Variants in UPK1B observed in about 807,000 individuals in gnomAD.
UPK1B encodes the protein uroplakin-1b.
UPK1B carries 28 observed loss-of-function variants against 34.2 expected under a neutral mutation model. The ratio of observed to expected loss-of-function variants is 0.82; its 90% CI spans 0.61 to 1.12. The LOEUF is 1.12. Among genes scored for constraint, UPK1B ranks in the 50% most tolerant of loss-of-function variants. The pLI, the probability that UPK1B is intolerant of heterozygous loss-of-function variation, is 0.00. For synonymous variants in UPK1B, 81 were observed against 110.4 expected, an observed-to-expected ratio of 0.73 and a Z score of 1.67; for missense variants, 325 against 320.9, an observed-to-expected ratio of 1.01 and a Z score of -0.10.
intron 2 of UPK1B, 151 bp downstream of exon 2, chr3:119,186,961 T>C: frequency 5.4e-6 from 4 of 740,260 alleles, no homozygotes; most frequent in Non-Finnish European, 6.5e-6. Flanking sequence ...GTAAATATGC[T>C]AGCTAGAATT....
chr3:119,204,334 C>T lies in UPK1B; in HGVS notation c.*367C>T, dbSNP rs764672857. ...GCTAGCAATCTGCCTGTATCTCTCA[C>T]TATTATCTAAAAGAAACCTTCCAAT... On this transcript the variant is annotated 3_prime_UTR_variant, in exon 8 of 8. Transcript: ENST00000264234. 2.0e-5 allele frequency: 4 copies of T among 202,154 alleles called. No individual in the cohort carries two copies. Among genetic ancestry groups the T allele is most frequent in the Non-Finnish European group, 4.0e-5 (4 of 99,876 alleles). 12.5% of individuals were successfully genotyped at this position (202,154 alleles called of 1,614,324 possible). A position where few individuals can be genotyped will look rare whatever the true frequency, so the allele number is the denominator to read the frequency against.
chr3:119,174,913 T>C (rs1459376047), intron 1 of UPK1B, among the ~76,000 whole-genome samples: 2 of 149,984 alleles, frequency 1.3e-5, no homozygotes, highest in Non-Finnish European at 3.0e-5. Context: ...TTTTAACTGC[T>C]GGGAAGAATC....
chr3:119,182,874 G>T (rs78895613), intron 1 of UPK1B, among the ~76,000 whole-genome samples: 1 of 152,178 alleles, frequency 6.6e-6, no homozygotes, highest in Non-Finnish European at 1.5e-5. Flanking sequence ...TCTGGTCTTG[G>T]GGGTAGGTGG....
At chr3:119,196,192 A>G (rs947293424) in intron 6 of UPK1B, among the ~76,000 whole-genome samples, 4 of 151,920 alleles carry the variant, frequency 2.6e-5, no homozygotes, top group Non-Finnish European at 5.9e-5. Flanking sequence ...TCTCTTATCT[A>G]TTAGTCCTTT....
chr3:119,192,226 C>T (rs2078047939), intron 5 of UPK1B, among the ~76,000 whole-genome samples: 1 of 152,086 alleles, frequency 6.6e-6, no homozygotes. Context: ...AATTAATTGA[C>T]CACTTTTTAA....
At chr3:119,196,159 C>T (rs2078066533) in intron 6 of UPK1B, among the ~76,000 whole-genome samples, 2 of 152,178 alleles carry the variant, frequency 1.3e-5, no homozygotes, top group South Asian at 2.1e-4. Flanking sequence ...CTCAACCTCA[C>T]TCATTCTGCT....
chr3:119,179,142 A>G (rs2107424317), intron 1 of UPK1B, among the ~76,000 whole-genome samples: 1 of 151,804 alleles, frequency 6.6e-6, no homozygotes, highest in East Asian at 1.9e-4. Flanking sequence ...AGCCTGGGCA[A>G]CATGATGAAA....
chr3:119,183,773 G>T (rs1288670488), intron 1 of UPK1B, among the ~76,000 whole-genome samples: 1 of 152,148 alleles, frequency 6.6e-6, no homozygotes, highest in East Asian at 1.9e-4. Flanking sequence ...CCATCTCTCA[G>T]GTCTGTTGAG....
intron 7 of UPK1B, among the ~76,000 whole-genome samples, chr3:119,201,064 G>A (rs1400502272): frequency 6.6e-6 from 1 of 151,860 alleles, no homozygotes; most frequent in Non-Finnish European, 1.5e-5. Flanking sequence ...TTTACTGCAA[G>A]TGCGTAGCAG....
intron 6 of UPK1B, among the ~76,000 whole-genome samples, chr3:119,195,261 A>T (rs1287427443): frequency 6.6e-6 from 1 of 152,216 alleles, no homozygotes; most frequent in South Asian, 2.1e-4. Flanking sequence ...AGGTACTTGT[A>T]GTCAGCATCT....
intron 1 of UPK1B, among the ~76,000 whole-genome samples, chr3:119,178,305 G>T (rs2077967172): frequency 6.6e-6 from 1 of 152,200 alleles, no homozygotes; most frequent in African/African-American, 2.4e-5. Context: ...CAAAGAAACT[G>T]GTCAGCAACA....
chr3:119,178,539 T>G (rs894721716), intron 1 of UPK1B, among the ~76,000 whole-genome samples: 1 of 152,224 alleles, frequency 6.6e-6, no homozygotes, highest in African/African-American at 2.4e-5. Flanking sequence ...GCCATGTTTA[T>G]CTTTGTAGAA....
rs7643453 is a variant in UPK1B, at chr3:119,176,806, G to C, written c.-29+3168G>C. ...CAGGGAGGCATTGTTTTAGAATAAC[G>C]TGGGGAGGGTTCAGAAGACCACATA... On this transcript the variant is annotated intron_variant, in intron 1 of 7. Coordinates refer to ENST00000264234, the MANE Select transcript of UPK1B (RefSeq NM_006952.4). Among the ~76,000 whole-genome samples the C allele has an allele frequency of 2.9e-3, 434 of 152,274 alleles. 1 individual carries two copies. The highest frequency in any genetic ancestry group is 9.2e-3 in the African/African-American group (382 of 41,556).
chr3:119,179,805 C>CTTT (rs869040325), intron 1 of UPK1B, among the ~76,000 whole-genome samples: 1 of 50,600 alleles, frequency 2.0e-5, no homozygotes, highest in South Asian at 7.6e-4. Flanking sequence ...CCACGCCCGG[C>CTTT]TTTTTTTTTT....
At chr3:119,191,974 T>C (rs2078047021) in intron 5 of UPK1B, among the ~76,000 whole-genome samples, 1 of 152,142 alleles carries the variant, frequency 6.6e-6, no homozygotes, top group Admixed American at 6.5e-5. Context: ...ATATCCCACC[T>C]AGAAACTTCA....
At chr3:119,194,743 G>A (rs1042462490) in intron 6 of UPK1B, among the ~76,000 whole-genome samples, 3 of 152,198 alleles carry the variant, frequency 2.0e-5, no homozygotes, top group Non-Finnish European at 4.4e-5. Context: ...TAAATTGGAA[G>A]GGATGATGTG....
At chr3:119,190,664 G>A (rs973684719) in intron 4 of UPK1B, among the ~76,000 whole-genome samples, 2 of 152,222 alleles carry the variant, frequency 1.3e-5, no homozygotes, top group African/African-American at 4.8e-5. Context: ...TCCAATGGGA[G>A]GATCTCTGTT....
rs1016132245 is a variant in UPK1B at position 119,175,217 on chromosome 3, C to T, written c.-29+1579C>T. Among the ~76,000 whole-genome samples the T allele has an allele frequency of 4.0e-5, 6 of 150,984 alleles. No homozygotes were observed. The South Asian group carries it at 8.4e-4, about 21-fold the overall frequency. Reference sequence around the variant, plus strand: ...CAATTTTTTGTATTTTTAGTAGAGACGGGGTTTCACCGTGTTAGCCAAGAT... The same window carrying T: ...CAATTTTTTGTATTTTTAGTAGAGATGGGGTTTCACCGTGTTAGCCAAGAT... On this transcript the variant is annotated intron_variant, in intron 1 of 7. Transcript: ENST00000264234.
intron 5 of UPK1B, among the ~76,000 whole-genome samples, chr3:119,193,334 T>C (rs1036547153): frequency 6.6e-6 from 1 of 152,268 alleles, no homozygotes; most frequent in Non-Finnish European, 1.5e-5. Flanking sequence ...CAAAATTGTA[T>C]ATCCTTTAAA....
Sources: allele counts gnomAD v4.1 joint callset (sites outside exome capture counted in the v4.1 genomes callset), GRCh38; gene constraint gnomAD v4.1.1; transcripts MANE v1.5; gene names NCBI Gene and HGNC (gene_info 2026-07-23, HGNC 2026-07-21).